Variants in ADAP1 observed in about 807,000 individuals in gnomAD.
ADAP1 encodes arf-GAP with dual PH domain-containing protein 1.
ADAP1 carries 31 observed loss-of-function variants against 54.9 expected under a neutral mutation model. The observed-to-expected ratio is 0.56, with a 90% CI of 0.42 to 0.76. The LOEUF is 0.76. Among genes scored for constraint, ADAP1 ranks in the 30% least tolerant of loss-of-function variants. The pLI, the probability that ADAP1 is intolerant of heterozygous loss-of-function variation, is 0.00. For synonymous variants in ADAP1, 313 were observed against 202.6 expected (o/e 1.55, Z -4.63); for missense variants, 535 against 512.4 (o/e 1.04, Z -0.42).
intron 6 of ADAP1, among the ~76,000 whole-genome samples, chr7:902,864 C>T (rs899098514): frequency 6.6e-6 from 1 of 152,190 alleles, no homozygotes; most frequent in South Asian, 2.1e-4. Context: ...GGTGCAAAGC[C>T]TTCAGAATTA....
At chr7:916,510 T>C (rs1472662495) in intron 4 of ADAP1, among the ~76,000 whole-genome samples, 2 of 152,130 alleles carry the variant, frequency 1.3e-5, no homozygotes, top group Non-Finnish European at 2.9e-5. Context: ...TGCTACAAAT[T>C]GCTAAGATGT....
intron 4 of ADAP1, among the ~76,000 whole-genome samples, chr7:912,517 C>A (rs1241749022): frequency 1.3e-5 from 2 of 152,158 alleles, no homozygotes; most frequent in Non-Finnish European, 2.9e-5. Flanking sequence ...GCTGGCTCAG[C>A]GGGCTGAGGT....
At chr7:917,712 C>T (rs903138912) in intron 4 of ADAP1, among the ~76,000 whole-genome samples, 3 of 152,192 alleles carry the variant, frequency 2.0e-5, no homozygotes, top group Non-Finnish European at 4.4e-5. Context: ...GATCCATCCG[C>T]CCGCCTAGGC....
At chr7:934,098 A>G (rs377430682) in intron 2 of ADAP1, among the ~76,000 whole-genome samples, 9 of 3,984 alleles carry the variant, frequency 2.3e-3, no homozygotes, top group East Asian at 6.6e-3. Flanking sequence ...GAGAGCCGGG[A>G]GCCGGGGTCA....
rs1319537646 is a variant in ADAP1 at position 920,090 on chromosome 7, G to A, written c.306-40C>T. 4 of 1,581,994 alleles carry A rather than the reference G, an allele frequency of 2.5e-6. No individual in the cohort carries two copies. Among genetic ancestry groups the A allele is most frequent in the Non-Finnish European group, 3.4e-6 (4 of 1,164,642 alleles). ...GAGACTGAGCCACTGGGCCAAGGCG[G>A]CCTCCGACCCAGCACACGCCGCTCT... On this transcript the variant is annotated intron_variant, in intron 3 of 10. Transcript: ENST00000265846. This position sits in a 1 kb window ranked among gnomAD's most constrained non-coding sequence, Gnocchi z 4.5.
rs1291831297 is a variant in ADAP1, at chr7:905,390, G to GGGAGAAA, written c.389-219_389-218insTTTCTCC. On this transcript the variant is annotated intron_variant, in intron 4 of 10. Coordinates refer to ENST00000265846, the MANE Select transcript of ADAP1 (RefSeq NM_006869.4). ...GGAAAGGGAAAGGAGAAAGGAGAAA[G>GGGAGAAA]GAGAAAGGAGAAAGGAGAAAGGGAG... The GGGAGAAA allele has an allele frequency of 9.1e-5, 24 of 264,158 alleles. 3 individuals are homozygous for GGGAGAAA. The highest frequency in any genetic ancestry group is 6.0e-4 in the East Asian group (8 of 13,344). 16.4% of individuals were successfully genotyped at this position (264,158 alleles called of 1,614,324 possible). A position where few individuals can be genotyped will look rare whatever the true frequency, so the allele number is the denominator to read the frequency against.
Position 911,938 on chromosome 7 carries a change from C to T in ADAP1, c.389-6766G>A, listed in dbSNP as rs527729789. Among the ~76,000 whole-genome samples, 3 of 152,158 alleles carry T rather than the reference C, an allele frequency of 2.0e-5. No homozygotes were observed. The East Asian group carries it at 5.8e-4, about 29-fold the overall frequency. On this transcript the variant is annotated intron_variant, in intron 4 of 10. Transcript: ENST00000265846. The stretch of plus-strand genomic sequence containing the variant: ...GCAGCCCCACAGCTCTGGCCTGGCC[C>T]CAAACACCCGTCCCCTCATGGGCCA...
intron 1 of ADAP1, among the ~76,000 whole-genome samples, chr7:937,991 C>A (rs891550779): frequency 2.0e-5 from 3 of 152,188 alleles, no homozygotes; most frequent in African/African-American, 7.2e-5. Flanking sequence ...TTCAGCAGAG[C>A]CCCTGTCTTC....
chr7:905,310 G>GGCGGGGGGAC (rs1429717769), intron 4 of ADAP1, 138 bp from the exon 5 acceptor site: 1 of 333,064 alleles, frequency 3.0e-6, no homozygotes, highest in Non-Finnish European at 5.2e-6. Context: ...GGGGGAGACG[G>GGCGGGGGGAC]ACGGGGAGAG....
chr7:920,997 C>T lies in ADAP1; in HGVS notation c.306-947G>A. ...CACAGGATCTGATGGGTGATGGGTC[C>T]CAGCTGGGTCTCTGGCCCCTGGCCC... On this transcript the variant is annotated intron_variant, in intron 3 of 10. Transcript: ENST00000265846. This position sits in a 1 kb window ranked among gnomAD's most constrained non-coding sequence, Gnocchi z 4.5. 4.9e-6 allele frequency: 4 copies of T among 817,838 alleles called. No individual in the cohort carries two copies. Among genetic ancestry groups the T allele is most frequent in the Non-Finnish European group, 7.7e-6 (4 of 522,754 alleles). 50.7% of individuals were successfully genotyped at this position (817,838 alleles called of 1,614,324 possible). A position where few individuals can be genotyped will look rare whatever the true frequency, so the allele number is the denominator to read the frequency against.
chr7:909,734 C>T (rs542124875), intron 4 of ADAP1, among the ~76,000 whole-genome samples: 1 of 152,312 alleles, frequency 6.6e-6, no homozygotes, highest in East Asian at 1.9e-4. Flanking sequence ...CAGAAATGGC[C>T]ATTTTCTCTT....
Position 900,621 on chromosome 7 carries a change from G to GTGCAAAGGCA in ADAP1, c.649-6_649-5insTGCCTTTGCA. 1 of 1,587,220 alleles carries GTGCAAAGGCA rather than the reference G, an allele frequency of 6.3e-7. No homozygotes were observed. The highest frequency in any genetic ancestry group is 1.1e-5 in the South Asian group (1 of 89,446). ...ATTGAACCAGTCCACAATCTCCTAG[G>GTGCAAAGGCA]GGCAAAGGTGGGCACAGGCTTGGGC... On this transcript the variant is annotated splice_polypyrimidine_tract_variant and splice_region_variant and intron_variant, in intron 6 of 10. Coordinates refer to ENST00000265846, the MANE Select transcript of ADAP1 (RefSeq NM_006869.4).
At chr7:904,740 T>C (rs960044722) in intron 5 of ADAP1, among the ~76,000 whole-genome samples, 3 of 152,328 alleles carry the variant, frequency 2.0e-5, no homozygotes, top group African/African-American at 7.2e-5. Context: ...CCAGGAAAAC[T>C]AGGGGCTTTC....
At chr7:902,883 A>G (rs1481513121) in intron 6 of ADAP1, among the ~76,000 whole-genome samples, 1 of 152,220 alleles carries the variant, frequency 6.6e-6, no homozygotes, top group Non-Finnish European at 1.5e-5. Flanking sequence ...TAGCAGGAAA[A>G]TTAATTCCAA....
chr7:904,438 G>C (rs117888994), intron 5 of ADAP1, among the ~76,000 whole-genome samples, 166 bp from the exon 6 acceptor site: 1,759 of 152,308 alleles, frequency 0.012, 19 homozygotes, highest in Non-Finnish European at 0.016. Flanking sequence ...GTAAGCAGAA[G>C]GTAACAGCAC....
At chr7:939,010 C>G (rs1846861751) in intron 1 of ADAP1, among the ~76,000 whole-genome samples, 2 of 152,188 alleles carry the variant, frequency 1.3e-5, no homozygotes, top group South Asian at 4.2e-4. Context: ...GGCCTGTTCA[C>G]AGAACCCAGG....
intron 4 of ADAP1, among the ~76,000 whole-genome samples, chr7:915,441 G>T (rs1446128532): frequency 6.6e-6 from 1 of 152,234 alleles, no homozygotes; most frequent in Admixed American, 6.5e-5. Context: ...GCCGGGCCTG[G>T]TATGAGAAGC....
intron 4 of ADAP1, among the ~76,000 whole-genome samples, chr7:910,406 C>T (rs1400081467): frequency 1.3e-5 from 2 of 152,122 alleles, no homozygotes; most frequent in African/African-American, 2.4e-5. Flanking sequence ...CACGCCACCA[C>T]ACCCGGCTAA....
chr7:898,853 C>T lies in ADAP1; in HGVS notation c.*68G>A, dbSNP rs1464783863. ...AGGTGGCCTCAGGACGCCAGAGCCC[C>T]CCCATCCACGGGTCCCCTCCGTCCA... On this transcript the variant is annotated 3_prime_UTR_variant, in exon 11 of 11. Transcript: ENST00000265846. 2 of 1,550,578 alleles carry T rather than the reference C, an allele frequency of 1.3e-6. No individual in the cohort carries two copies. The highest frequency in any genetic ancestry group is 4.9e-5 in the East Asian group (2 of 41,110).
Sources: gnomAD v4.1 joint callset for allele counts (sites outside exome capture counted in the v4.1 genomes callset) on GRCh38, gnomAD v4.1.1 for gene constraint, Gnocchi (gnomAD v3.1) non-coding constraint, MANE v1.5 for transcripts, NCBI Gene and HGNC (gene_info 2026-07-23, HGNC 2026-07-21) for gene names.